Variants in TMEM273 observed in about 807,000 individuals in gnomAD.
TMEM273 encodes the protein transmembrane protein 273.
Under a neutral mutation model 17.9 loss-of-function variants are expected in TMEM273, and 19 were observed. The observed-to-expected ratio is 1.06, with a 90% CI of 0.74 to 1.55. The LOEUF (loss-of-function observed/expected upper bound fraction) is 1.55. TMEM273 is among the 40% of genes most tolerant of loss of function. TMEM273 has a pLI of 0.00. For missense variants in TMEM273, 194 were observed against 155.6 expected, an observed-to-expected ratio of 1.25 and a Z score of -1.31; for synonymous variants, 66 against 62.0, an observed-to-expected ratio of 1.07 and a Z score of -0.31.
intron 4 of TMEM273, 148 bp downstream of exon 4, chr10:49,165,618 G>A (rs930202239): frequency 2.9e-5 from 37 of 1,274,796 alleles, no homozygotes; most frequent in Non-Finnish European, 2.5e-5. Context: ...AGGAGAGAGT[G>A]TAAGGAGGGG....
chr10:49,161,446 C>A, intron 6 of TMEM273, 153 bp downstream of exon 6: 1 of 865,330 alleles, frequency 1.2e-6, no homozygotes, highest in East Asian at 2.6e-5. Flanking sequence ...CCTGGTCTCA[C>A]AGCTGTCCTG....
At chr10:49,172,883 G>A (rs539960962) in intron 1 of TMEM273, among the ~76,000 whole-genome samples, 3 of 152,250 alleles carry the variant, frequency 2.0e-5, no homozygotes, top group Non-Finnish European at 4.4e-5. Context: ...GGCACTCCAC[G>A]TGACTCCCAC....
At chr10:49,178,225 T>C in intron 1 of TMEM273, 1 of 457,372 alleles carries the variant, frequency 2.2e-6, no homozygotes, top group Non-Finnish European at 4.4e-6. Context: ...CTGTAGTCCA[T>C]GCTGCCCTTG....
intron 1 of TMEM273, chr10:49,178,380 CA>C: frequency 2.3e-6 from 1 of 441,698 alleles, no homozygotes; most frequent in Non-Finnish European, 4.6e-6. Context: ...GGTTCTAGAG[CA>C]ATGGCCCAGC....
intron 1 of TMEM273, among the ~76,000 whole-genome samples, chr10:49,183,353 T>TTGTGTGTGTGTG (rs3079989): frequency 4.0e-5 from 6 of 148,742 alleles, no homozygotes; most frequent in South Asian, 4.3e-4. Context: ...AGGAAACAAA[T>TTGTGTGTGTGTG]TGTGTGTGTG....
intron 1 of TMEM273, among the ~76,000 whole-genome samples, chr10:49,178,593 A>C (rs1176972211): frequency 6.6e-6 from 1 of 152,194 alleles, no homozygotes; most frequent in African/African-American, 2.4e-5. Context: ...GGCCAGTGAC[A>C]TAGTAAACAC....
intron 5 of TMEM273, among the ~76,000 whole-genome samples, chr10:49,162,006 C>T (rs916040440): frequency 3.9e-5 from 6 of 152,190 alleles, no homozygotes; most frequent in Non-Finnish European, 7.4e-5. Context: ...CATGTTTTCT[C>T]ATGAACTTCG....
intron 1 of TMEM273, among the ~76,000 whole-genome samples, chr10:49,186,673 G>A (rs1276087781): frequency 1.3e-5 from 2 of 152,216 alleles, no homozygotes; most frequent in African/African-American, 2.4e-5. Flanking sequence ...CTTTGTCCAA[G>A]TTTTCCAGGC....
intron 1 of TMEM273, among the ~76,000 whole-genome samples, chr10:49,180,676 C>T (rs893003388): frequency 3.9e-5 from 6 of 152,136 alleles, no homozygotes; most frequent in Non-Finnish European, 8.8e-5. Context: ...TCAACAGATG[C>T]CATCACCTCG....
At chr10:49,181,248 C>T (rs758079512) in intron 1 of TMEM273, among the ~76,000 whole-genome samples, 26 of 152,136 alleles carry the variant, frequency 1.7e-4, no homozygotes, top group Non-Finnish European at 2.6e-4. Flanking sequence ...ATACCAAGTT[C>T]ATGGAAAAAC....
chr10:49,172,331 T>G (rs1249589265), intron 1 of TMEM273, among the ~76,000 whole-genome samples: 2 of 152,148 alleles, frequency 1.3e-5, no homozygotes, highest in African/African-American at 4.8e-5. Context: ...AGATTTACAC[T>G]GAATAAAAGA....
intron 4 of TMEM273, 177 bp from the exon 5 acceptor site, chr10:49,165,460 A>C: frequency 3.4e-6 from 5 of 1,470,666 alleles, no homozygotes; most frequent in South Asian, 1.4e-5. Context: ...TGGAGGCCTC[A>C]TTCTGAAAGT....
In TMEM273 at chr10:49,165,289, A is replaced by G. The variant is rs1310960542; in HGVS notation, c.270-6T>C. ...GGGTCGAGGCTTGCAGCTTTCTGGC[A>G]AAGAGCATTCCAATTACAGAAAACA... On this transcript the variant is annotated splice_polypyrimidine_tract_variant and splice_region_variant and intron_variant, in intron 4 of 6. Transcript: ENST00000374153. 6.4e-7 allele frequency: 1 copy of G among 1,550,580 alleles called. No individual in the cohort carries two copies. Among genetic ancestry groups the G allele is most frequent in the Non-Finnish European group, 8.7e-7 (1 of 1,146,990 alleles).
intron 1 of TMEM273, among the ~76,000 whole-genome samples, chr10:49,169,067 C>T (rs2132171111): frequency 6.6e-6 from 1 of 152,268 alleles, no homozygotes; most frequent in East Asian, 1.9e-4. Flanking sequence ...CAGGTTTGCA[C>T]TGAGAGTCCA....
At chr10:49,181,748 T>A (rs1345401329) in intron 1 of TMEM273, among the ~76,000 whole-genome samples, 1 of 152,098 alleles carries the variant, frequency 6.6e-6, no homozygotes, top group Non-Finnish European at 1.5e-5. Context: ...ACTATGTAAA[T>A]TTTAGGGGGA....
At chr10:49,167,112 C>G in intron 2 of TMEM273, 103 bp from the exon 3 acceptor site, 1 of 1,477,588 alleles carries the variant, frequency 6.8e-7, no homozygotes. Context: ...AACACACCAC[C>G]TCCCACTGGC....
At chr10:49,169,520 A>C (rs1466137678) in intron 1 of TMEM273, among the ~76,000 whole-genome samples, 4 of 152,132 alleles carry the variant, frequency 2.6e-5, no homozygotes, top group African/African-American at 9.7e-5. Context: ...GCTTTTTCTA[A>C]AGCAAAAGTT....
intron 1 of TMEM273, among the ~76,000 whole-genome samples, chr10:49,186,021 G>T (rs1847647322): frequency 1.4e-5 from 2 of 142,810 alleles, no homozygotes; most frequent in South Asian, 2.3e-4. Context: ...GGAGGAGGAA[G>T]AAGAAGAAGA....
At chr10:49,181,664 A>C (rs1411163347) in intron 1 of TMEM273, among the ~76,000 whole-genome samples, 1 of 152,202 alleles carries the variant, frequency 6.6e-6, no homozygotes, top group African/African-American at 2.4e-5. Flanking sequence ...AGGTTAAAAA[A>C]TTACCTTGAT....
Sources: allele counts gnomAD v4.1 joint callset (sites outside exome capture counted in the v4.1 genomes callset), GRCh38; gene constraint gnomAD v4.1.1; transcripts MANE v1.5; gene names NCBI Gene and HGNC (gene_info 2026-07-23, HGNC 2026-07-21).